CELF1: variants seen among roughly 807,000 people sequenced by gnomAD.
CELF1 encodes the protein CUGBP Elav-like family member 1, also known as 50 kDa nuclear polyadenylated RNA-binding protein.
CELF1 carries 10 observed loss-of-function variants against 61.8 expected under a neutral mutation model. That is an observed-to-expected ratio of 0.16 (90% CI 0.10 to 0.27). CELF1 has a LOEUF of 0.27. Among genes scored for constraint, CELF1 ranks in the 10% least tolerant of loss-of-function variants. The probability of loss-of-function intolerance (pLI) is 1.00; values close to 1 mark genes in which losing one functional copy is unlikely to be tolerated. For missense variants in CELF1, 380 were observed against 639.1 expected, an observed-to-expected ratio of 0.59 and a Z score of 4.37; for synonymous variants, 236 against 225.1, an observed-to-expected ratio of 1.05 and a Z score of -0.43.
chr11:47,550,519 T>TG (rs1413242346), intron 1 of CELF1, among the ~76,000 whole-genome samples: 6 of 151,804 alleles, frequency 4.0e-5, no homozygotes, highest in African/African-American at 7.3e-5. Flanking sequence ...ATGGCGGGGT[T>TG]GGGGGGGACC....
In CELF1 at chr11:47,473,898, TTTC is replaced by T. The variant is rs1245259829; in HGVS notation, c.1274-670_1274-668del. Among the ~76,000 whole-genome samples the T allele has an allele frequency of 9.9e-5, 9 of 90,790 alleles. No individual in the cohort carries two copies. The East Asian group carries it at 3.1e-3, about 31-fold the overall frequency. 59.6% of individuals were successfully genotyped at this position (90,790 alleles called of 152,430 possible). A position where few individuals can be genotyped will look rare whatever the true frequency, so the allele number is the denominator to read the frequency against. The stretch of plus-strand genomic sequence containing the variant: ...CATCTGACTATTTACACTCAATGAT[TTTC>T]TTTTTTTTTCTTTCTTTTTTTTTGA... On this transcript the variant is annotated intron_variant, in intron 13 of 14. Coordinates refer to ENST00000687097, the MANE Select transcript of CELF1 (RefSeq NM_001376376.1).
chr11:47,546,895 G>C (rs2096966318), intron 1 of CELF1, among the ~76,000 whole-genome samples: 1 of 151,296 alleles, frequency 6.6e-6, no homozygotes, highest in Non-Finnish European at 1.5e-5. Context: ...AGAAACCTCC[G>C]TCTCTACTAA....
rs1252070401 is a variant in CELF1, at chr11:47,466,969, TC to T, written c.*5260del. On this transcript the variant is annotated 3_prime_UTR_variant, in exon 15 of 15. Transcript: ENST00000687097. ...ACTGGGCCTCTGCCTGGCTGCCCTT[TC>T]CCCCAGGCAGAGCGGCCTTGGGCAT... is the stretch of plus-strand genomic sequence containing the variant. 2.6e-5 allele frequency: 4 copies of T among 152,010 alleles called. No individual in the cohort carries two copies. Among genetic ancestry groups the T allele is most frequent in the African/African-American group, 4.8e-5 (2 of 41,358 alleles). The allele number at this position is 152,010 out of a possible 1,614,324, so 9.4% of individuals were successfully genotyped here.
intron 1 of CELF1, among the ~76,000 whole-genome samples, chr11:47,508,072 A>G (rs116542360): frequency 0.013 from 1,963 of 152,306 alleles, 38 homozygotes; most frequent in African/African-American, 0.044. Flanking sequence ...TCAGATGCTA[A>G]GGAAGATAAC....
chr11:47,564,653 T>C (rs552546322), intron 1 of CELF1, among the ~76,000 whole-genome samples: 1 of 151,796 alleles, frequency 6.6e-6, no homozygotes, highest in African/African-American at 2.4e-5. Context: ...TAGCTGGGTG[T>C]GGTGGCATGC....
At chr11:47,538,426 G>A (rs1456511463) in intron 1 of CELF1, among the ~76,000 whole-genome samples, 2 of 152,008 alleles carry the variant, frequency 1.3e-5, no homozygotes, top group Non-Finnish European at 2.9e-5. Context: ...GGCAGATCAC[G>A]AGGTCAGTAG....
upstream of CELF1, among the ~76,000 whole-genome samples, chr11:47,553,897 G>A (rs907474744): frequency 2.6e-5 from 4 of 151,860 alleles, no homozygotes; most frequent in African/African-American, 9.7e-5. Flanking sequence ...TAGATGGAAC[G>A]CAAGCAGTAC....
At chr11:47,543,439 A>G (rs2096859475) in intron 1 of CELF1, among the ~76,000 whole-genome samples, 1 of 152,158 alleles carries the variant, frequency 6.6e-6, no homozygotes, top group African/African-American at 2.4e-5. Context: ...CAAACTTTAC[A>G]AATCTGGAAC....
intron 2 of CELF1, among the ~76,000 whole-genome samples, chr11:47,559,262 T>G (rs2097218641): frequency 6.6e-6 from 1 of 150,976 alleles, no homozygotes; most frequent in African/African-American, 2.4e-5. Flanking sequence ...AGATGGGGTT[T>G]CACCATGTTG....
intron 1 of CELF1, among the ~76,000 whole-genome samples, chr11:47,548,022 C>T (rs1028133123): frequency 2.0e-5 from 3 of 151,972 alleles, no homozygotes; most frequent in South Asian, 2.1e-4. Context: ...TAAAACGGGC[C>T]GGGCACGGTG....
intron 1 of CELF1, among the ~76,000 whole-genome samples, chr11:47,527,140 T>C (rs2096273827): frequency 6.6e-6 from 1 of 151,744 alleles, no homozygotes; most frequent in Non-Finnish European, 1.5e-5. Flanking sequence ...TAGAGGCACA[T>C]TCATGTCCCA....
At chr11:47,520,628 C>T (rs1451758380) in intron 1 of CELF1, among the ~76,000 whole-genome samples, 3 of 151,772 alleles carry the variant, frequency 2.0e-5, no homozygotes, top group African/African-American at 7.3e-5. Context: ...GGCAACATGG[C>T]AAAACCCTAC....
chr11:47,553,460 A>G (rs913222605), upstream of CELF1, among the ~76,000 whole-genome samples: 7 of 152,236 alleles, frequency 4.6e-5, no homozygotes, highest in Non-Finnish European at 1.0e-4. Flanking sequence ...TCGCACCCAC[A>G]GGAGCTCTAG....
intron 1 of CELF1, among the ~76,000 whole-genome samples, chr11:47,534,051 A>G (rs559765770): frequency 6.4e-4 from 71 of 110,754 alleles, no homozygotes; most frequent in African/African-American, 2.5e-3. Context: ...TTTTGGACAT[A>G]GAGTTTCACT....
intron 3 of CELF1, among the ~76,000 whole-genome samples, chr11:47,498,160 C>A (rs886711684): frequency 2.0e-5 from 3 of 152,148 alleles, no homozygotes; most frequent in African/African-American, 7.2e-5. Flanking sequence ...AAGAGTAAGA[C>A]AGGCCAGGTG....
intron 1 of CELF1, among the ~76,000 whole-genome samples, chr11:47,538,517 C>A (rs1188797390): frequency 3.3e-5 from 5 of 151,970 alleles, no homozygotes; most frequent in African/African-American, 1.2e-4. Flanking sequence ...GTGGTGGGCA[C>A]CTGTACTCCC....
At chr11:47,474,021 C>T (rs895789917) in intron 13 of CELF1, among the ~76,000 whole-genome samples, 1 of 152,116 alleles carries the variant, frequency 6.6e-6, no homozygotes, top group Non-Finnish European at 1.5e-5. Flanking sequence ...ATTCTCCTGC[C>T]TCAGCCTCCC....
chr11:47,506,979 A>C (rs2094554957), intron 1 of CELF1: 1 of 152,202 alleles, frequency 6.6e-6, no homozygotes, highest in Non-Finnish European at 1.5e-5. Context: ...CTTTCCAAAG[A>C]AAAGCCCCTC....
Position 47,470,498 on chromosome 11 carries a change from C to G in CELF1, c.*1732G>C, listed in dbSNP as rs546544700. 1 of 152,222 alleles carries G rather than the reference C, an allele frequency of 6.6e-6. No homozygotes were observed. Among genetic ancestry groups the G allele is most frequent in the South Asian group, 2.1e-4 (1 of 4,822 alleles). The allele number at this position is 152,222 out of a possible 1,614,324, so 9.4% of individuals were successfully genotyped here. On this transcript the variant is annotated 3_prime_UTR_variant, in exon 15 of 15. Coordinates refer to ENST00000687097, the MANE Select transcript of CELF1 (RefSeq NM_001376376.1). ...AGAGGACAACAGACCCAAGTTATCA[C>G]TATGAGAAAGGAACAGCTGTCCCAG...
Sources: gnomAD v4.1 joint callset for allele counts (sites outside exome capture counted in the v4.1 genomes callset) on GRCh38, gnomAD v4.1.1 for gene constraint, MANE v1.5 for transcripts, NCBI Gene and HGNC (gene_info 2026-07-23, HGNC 2026-07-21) for gene names.